The following NXPH2 variants were observed in gnomAD, a reference collection of about 807,000 sequenced individuals.
The protein encoded by NXPH2 is neurexophilin-2.
NXPH2 carries 5 observed loss-of-function variants against 19.8 expected under a neutral mutation model. The ratio of observed to expected loss-of-function variants is 0.25; its 90% CI spans 0.13 to 0.53. The LOEUF (loss-of-function observed/expected upper bound fraction) is 0.53. NXPH2 is among the 20% of genes least tolerant of loss of function. The probability of loss-of-function intolerance (pLI) is 0.96; values close to 1 mark genes in which losing one functional copy is unlikely to be tolerated. For missense variants in NXPH2, 289 were observed against 322.8 expected (o/e 0.90, Z 0.80); for synonymous variants, 154 against 127.4 (o/e 1.21, Z -1.41).
chr2:138,670,699 C>CTCGGTGGTCGCCGT lies in NXPH2; in HGVS notation c.*222_*223insACGGCGACCACCGA. The CTCGGTGGTCGCCGT allele has an allele frequency of 4.5e-6, 2 of 441,018 alleles. No individual in the cohort carries two copies. Among genetic ancestry groups the CTCGGTGGTCGCCGT allele is most frequent in the South Asian group, 9.8e-5 (2 of 20,332 alleles). 27.3% of individuals were successfully genotyped at this position (441,018 alleles called of 1,614,324 possible). ...TCATCTTGCATGAAAGTGATGGTTTCATAAACAGTTTAACTTTTTAGATAA... is the reference window on the plus strand; with the variant it reads ...TCATCTTGCATGAAAGTGATGGTTTCTCGGTGGTCGCCGTATAAACAGTTTAACTTTTTAGATAA... On this transcript the variant is annotated 3_prime_UTR_variant, in exon 2 of 2. Coordinates refer to ENST00000272641, the MANE Select transcript of NXPH2 (RefSeq NM_007226.3).
intron 1 of NXPH2, among the ~76,000 whole-genome samples, chr2:138,728,820 G>A (rs922662155): frequency 6.6e-6 from 1 of 152,154 alleles, no homozygotes; most frequent in Non-Finnish European, 1.5e-5. Flanking sequence ...ACATCCAGAT[G>A]TGCCCTTACA....
rs144340467 is a variant in NXPH2 at position 138,778,839 on chromosome 2, G to C, written c.51+1352C>G. ...ATGGAGTATTGTAGATAGCCAGTAT[G>C]TGATGGCTCATTCAAGGATATTTGG... On this transcript the variant is annotated intron_variant, in intron 1 of 1. Coordinates refer to ENST00000272641, the MANE Select transcript of NXPH2 (RefSeq NM_007226.3). 3.2e-3 allele frequency among the ~76,000 whole-genome samples: 487 copies of C among 152,342 alleles called. 3 individuals are homozygous for C. The highest frequency in any genetic ancestry group is 0.011 in the African/African-American group (466 of 41,588).
At chr2:138,746,513 A>T (rs1681736859) in intron 1 of NXPH2, among the ~76,000 whole-genome samples, 1 of 152,252 alleles carries the variant, frequency 6.6e-6, no homozygotes, top group Non-Finnish European at 1.5e-5. Context: ...GACAGACCTC[A>T]GGGCAACAAG....
At chr2:138,766,671 T>A (rs752370412) in intron 1 of NXPH2, among the ~76,000 whole-genome samples, 5 of 152,174 alleles carry the variant, frequency 3.3e-5, no homozygotes, top group Non-Finnish European at 7.3e-5. Flanking sequence ...ACTTTACCAC[T>A]GCTGGACAGC....
At chr2:138,759,322 C>T (rs553760275) in intron 1 of NXPH2, among the ~76,000 whole-genome samples, 1 of 152,158 alleles carries the variant, frequency 6.6e-6, no homozygotes, top group African/African-American at 2.4e-5. Flanking sequence ...AGCAAGCAGG[C>T]TAGTGGTGGC....
intron 1 of NXPH2, among the ~76,000 whole-genome samples, chr2:138,727,817 G>A (rs577881386): frequency 1.3e-5 from 2 of 152,084 alleles, no homozygotes; most frequent in Admixed American, 6.6e-5. Context: ...AAATAAATAT[G>A]AGCCCACTTT....
Position 138,723,045 on chromosome 2 carries a change from C to T in NXPH2, c.52-51380G>A, listed in dbSNP as rs533278579. ...GTACCACATTATTTTATATCTATTG[C>T]CAGGGCAAGCAAAGGCAAAAAGTGC... On this transcript the variant is annotated intron_variant, in intron 1 of 1. Transcript: ENST00000272641. Among the ~76,000 whole-genome samples, 37 of 152,254 alleles carry T rather than the reference C, an allele frequency of 2.4e-4. No homozygotes were observed. The South Asian group carries it at 7.7e-3, about 32-fold the overall frequency.
At chr2:138,765,812 A>G (rs1167876750) in intron 1 of NXPH2, among the ~76,000 whole-genome samples, 1 of 152,220 alleles carries the variant, frequency 6.6e-6, no homozygotes, top group African/African-American at 2.4e-5. Context: ...TTTTAATTGT[A>G]ACAAATTTGC....
chr2:138,716,755 G>GA (rs1681201956), intron 1 of NXPH2, among the ~76,000 whole-genome samples: 1 of 152,140 alleles, frequency 6.6e-6, no homozygotes, highest in Non-Finnish European at 1.5e-5. Context: ...TGACACAGTG[G>GA]AAAAAATACT....
chr2:138,676,907 C>T (rs1680492508), intron 1 of NXPH2, among the ~76,000 whole-genome samples: 1 of 152,220 alleles, frequency 6.6e-6, no homozygotes, highest in African/African-American at 2.4e-5. Flanking sequence ...GTCTTACTGG[C>T]ATCTGAGTCA....
chr2:138,671,061 T>C lies in NXPH2; in HGVS notation c.656A>G (p.His219Arg), dbSNP rs1262679734. ...KICYQEQTQS[H>R]VSWLCSKPFK... is the part of the protein sequence containing the mutation. ...GGGCTTGGAGCACAACCAAGACACA[T>C]GGCTCTGAGTCTGCTCCTGGTAGCA... Residue 219 changes from histidine (H) to arginine (R), a missense_variant, in exon 2 of 2, where the codon CAT becomes CGT. Physicochemically the swap from His to Arg is conservative, Grantham distance 29. Transcript: ENST00000272641. 1 of 1,614,000 alleles carries C rather than the reference T, an allele frequency of 6.2e-7. No individual in the cohort carries two copies. Among genetic ancestry groups the C allele is most frequent in the Non-Finnish European group, 8.5e-7 (1 of 1,179,876 alleles).
chr2:138,742,834 G>A (rs1485321844), intron 1 of NXPH2, among the ~76,000 whole-genome samples: 2 of 152,182 alleles, frequency 1.3e-5, no homozygotes, highest in African/African-American at 4.8e-5. Flanking sequence ...AGGTATCCAG[G>A]AGGTCTAGAG....
intron 1 of NXPH2, among the ~76,000 whole-genome samples, chr2:138,695,674 G>C (rs1051075189): frequency 6.6e-6 from 1 of 151,906 alleles, no homozygotes; most frequent in Non-Finnish European, 1.5e-5. Context: ...TAAACTATTT[G>C]ATATAAACAT....
intron 1 of NXPH2, among the ~76,000 whole-genome samples, chr2:138,675,836 T>C (rs1680476632): frequency 1.3e-5 from 2 of 152,152 alleles, no homozygotes; most frequent in African/African-American, 4.8e-5. Flanking sequence ...GATTTTAAGA[T>C]TAGTCAATGT....
intron 1 of NXPH2, among the ~76,000 whole-genome samples, chr2:138,734,172 T>C (rs1193127040): frequency 6.6e-6 from 1 of 151,970 alleles, no homozygotes; most frequent in Non-Finnish European, 1.5e-5. Flanking sequence ...TTGAACCTGG[T>C]AGGAGGAGGT....
At chr2:138,689,453 G>A (rs1026668799) in intron 1 of NXPH2, among the ~76,000 whole-genome samples, 12 of 152,174 alleles carry the variant, frequency 7.9e-5, no homozygotes, top group African/African-American at 2.4e-4. Flanking sequence ...ACTGGGAGGA[G>A]TGTCCTCCAG....
chr2:138,669,468 G>A lies in NXPH2; in HGVS notation c.*1454C>T, dbSNP rs1680382553. ...AACACTGCAGATATTACCGGTAAAA[G>A]GAAAGAAATGAAGATAGAGAACAGA... On this transcript the variant is annotated 3_prime_UTR_variant, in exon 2 of 2. Transcript: ENST00000272641. Among the ~76,000 whole-genome samples the A allele has an allele frequency of 6.6e-6, 1 of 152,052 alleles. No individual in the cohort carries two copies. The highest frequency in any genetic ancestry group is 1.5e-5 in the Non-Finnish European group (1 of 68,000).
intron 1 of NXPH2, among the ~76,000 whole-genome samples, chr2:138,768,001 CCTT>C (rs1682118118): frequency 1.3e-5 from 2 of 152,064 alleles, no homozygotes; most frequent in Admixed American, 1.3e-4. Flanking sequence ...TCAGCCTTCT[CCTT>C]AACTTTTTAT....
chr2:138,673,686 C>T (rs1480206902), intron 1 of NXPH2, among the ~76,000 whole-genome samples: 2 of 150,600 alleles, frequency 1.3e-5, no homozygotes, highest in Non-Finnish European at 3.0e-5. Context: ...AGTTTGATGC[C>T]CAGGTGGTCT....
Sources: allele counts gnomAD v4.1 joint callset (sites outside exome capture counted in the v4.1 genomes callset), GRCh38; gene constraint gnomAD v4.1.1; transcripts MANE v1.5; gene names NCBI Gene and HGNC (gene_info 2026-07-23, HGNC 2026-07-21).